Variants in NBEA observed in about 807,000 individuals in gnomAD.
The protein encoded by NBEA is neurobeachin.
Under a neutral mutation model 343.4 loss-of-function variants are expected in NBEA, and 44 were observed. That is an observed-to-expected ratio of 0.13 (90% confidence interval 0.10 to 0.16). The LOEUF is 0.16. Ranked by LOEUF, NBEA falls within the 10% of genes least tolerant of loss-of-function variation. NBEA has a pLI of 1.00. For synonymous variants in NBEA, 1,175 were observed against 1,238.7 expected (o/e 0.95, Z 1.08); for missense variants, 2,555 against 3,631.3 (o/e 0.70, Z 7.62).
rs1419985609 is a variant in NBEA, at chr13:35,671,270, GGTT to G, written c.*282_*284del. The G allele has an allele frequency of 3.7e-6, 1 of 268,544 alleles. No individual in the cohort carries two copies. The highest frequency in any genetic ancestry group is 2.2e-5 in the African/African-American group (1 of 46,310). 16.6% of individuals were successfully genotyped at this position (268,544 alleles called of 1,614,324 possible). The stretch of plus-strand genomic sequence containing the variant: ...CATATATTGTTGTTTATTGAGAAAA[GGTT>G]GTAGGATGTGTCACAAGAGACTTTT... On this transcript the variant is annotated 3_prime_UTR_variant, in exon 59 of 59. Coordinates refer to ENST00000379939, the MANE Select transcript of NBEA (RefSeq NM_001385012.1).
chr13:35,158,969 T>C (rs1394247112), intron 21 of NBEA, 47 bp from the exon 22 acceptor site: 2 of 1,438,956 alleles, frequency 1.4e-6, no homozygotes, highest in Non-Finnish European at 1.9e-6. Flanking sequence ...GTTTTTTCTT[T>C]TTGATATGTA....
At chr13:35,008,110 TAAG>T (rs1452679077) in intron 1 of NBEA, among the ~76,000 whole-genome samples, 6 of 152,320 alleles carry the variant, frequency 3.9e-5, no homozygotes, top group African/African-American at 1.4e-4. Context: ...ACAATCCAAC[TAAG>T]AATAGGGATG....
intron 1 of NBEA, among the ~76,000 whole-genome samples, chr13:34,975,204 A>G (rs2060123594): frequency 6.6e-6 from 1 of 152,202 alleles, no homozygotes; most frequent in Non-Finnish European, 1.5e-5. Context: ...ACATTATCCA[A>G]CTTCAAACTA....
intron 7 of NBEA, among the ~76,000 whole-genome samples, chr13:35,057,889 A>G (rs1011241749): frequency 2.6e-5 from 4 of 152,264 alleles, no homozygotes; most frequent in Admixed American, 6.6e-5. Context: ...TAATGACGAC[A>G]ATTTTTTTTG....
rs147340588 is a variant in NBEA at position 35,116,728 on chromosome 13, A to AT, written c.2003-680dup. ...ACAGGATTTTTATGAATCTAGCTTC[A>AT]TTTTTTAAAAGTATTCTGTATTGTA... On this transcript the variant is annotated intron_variant, in intron 13 of 58. Transcript: ENST00000379939. Among the ~76,000 whole-genome samples the AT allele has an allele frequency of 9.2e-4, 140 of 152,178 alleles. 1 individual carries two copies. The East Asian group carries it at 0.026, about 29-fold the overall frequency.
chr13:35,208,169 G>A (rs1254047838), intron 31 of NBEA, among the ~76,000 whole-genome samples: 3 of 152,108 alleles, frequency 2.0e-5, no homozygotes, highest in South Asian at 2.1e-4. Context: ...GTAGTGAGCC[G>A]AGATGGCACC....
chr13:35,186,131 C>T (rs2071687101), intron 30 of NBEA: 1 of 151,890 alleles, frequency 6.6e-6, no homozygotes, highest in African/African-American at 2.4e-5. Flanking sequence ...TAGTGAGACC[C>T]CGTCTATACA....
In NBEA at chr13:35,583,908, C is replaced by G. The variant is rs757369079; in HGVS notation, c.7046C>G (p.Ala2349Gly). 6.2e-7 allele frequency: 1 copy of G among 1,609,118 alleles called. No individual in the cohort carries two copies. The highest frequency in any genetic ancestry group is 8.5e-7 in the Non-Finnish European group (1 of 1,178,524). ...NFRDLSKPIG[A>G]LNPKRAVFYA... is the part of the protein sequence containing the mutation. ...TTTTTCTTTTAATAGCCAATTGGTG[C>G]TTTGAACCCCAAGAGAGCTGTGTTT... The change falls in exon 46 of 59, where the codon GCT becomes GGT. Residue 2349 changes from alanine (A) to glycine (G), a missense_variant. This residue lies in a region of NBEA where 156 missense variants were observed against 185.8 expected (regional missense o/e 0.84). Coordinates refer to ENST00000379939, the MANE Select transcript of NBEA (RefSeq NM_001385012.1).
At chr13:35,344,735 A>G (rs1566644378) in intron 36 of NBEA, among the ~76,000 whole-genome samples, 1 of 152,116 alleles carries the variant, frequency 6.6e-6, no homozygotes, top group Non-Finnish European at 1.5e-5. Flanking sequence ...ATAGTTCTTT[A>G]AGTATGAAAG....
intron 38 of NBEA, among the ~76,000 whole-genome samples, chr13:35,431,696 T>G (rs1317619875): frequency 1.3e-5 from 2 of 152,204 alleles, no homozygotes; most frequent in Non-Finnish European, 1.5e-5. Flanking sequence ...TTATTAATAA[T>G]GGATAAAATT....
intron 41 of NBEA, among the ~76,000 whole-genome samples, chr13:35,543,894 C>A (rs1189142131): frequency 6.6e-6 from 1 of 152,096 alleles, no homozygotes; most frequent in African/African-American, 2.4e-5. Context: ...TCCAGGTGGT[C>A]ATTTTGGAAG....
chr13:35,005,362 C>G (rs1167063387), intron 1 of NBEA, among the ~76,000 whole-genome samples: 1 of 152,066 alleles, frequency 6.6e-6, no homozygotes, highest in Non-Finnish European at 1.5e-5. Flanking sequence ...TGTGTGTGTG[C>G]AGCATCCACC....
intron 41 of NBEA, among the ~76,000 whole-genome samples, chr13:35,534,151 T>G (rs2078413163): frequency 6.6e-6 from 1 of 152,094 alleles, no homozygotes; most frequent in Admixed American, 6.5e-5. Flanking sequence ...CTTCTTTTCT[T>G]TTTCATAATA....
intron 39 of NBEA, among the ~76,000 whole-genome samples, chr13:35,440,180 C>T (rs915562495): frequency 3.9e-5 from 6 of 152,046 alleles, no homozygotes; most frequent in Admixed American, 1.3e-4. Context: ...ATGCCCAGCC[C>T]GATAACTGAT....
Position 35,196,042 on chromosome 13 carries a change from A to G in NBEA, c.5106A>G (p.Glu1702=), listed in dbSNP as rs529834614. ...ETSTGPDAMS[E]LLSTLSSEVK... is the part of the protein sequence containing the mutation. ...GTACAGGCCCTGATGCCATGAGTGAACTCTTATCCACTTTGTCATCCGAAG... is the reference window on the plus strand; with the variant it reads ...GTACAGGCCCTGATGCCATGAGTGAGCTCTTATCCACTTTGTCATCCGAAG... Residue 1702 remains glutamate (E), a synonymous_variant, in exon 31 of 59, where the codon GAA becomes GAG. Coordinates refer to ENST00000379939, the MANE Select transcript of NBEA (RefSeq NM_001385012.1). 6.2e-7 allele frequency: 1 copy of G among 1,613,586 alleles called. No individual in the cohort carries two copies. Among genetic ancestry groups the G allele is most frequent in the Admixed American group, 1.7e-5 (1 of 59,988 alleles).
chr13:35,608,475 C>G (rs907519831), intron 48 of NBEA, among the ~76,000 whole-genome samples: 2 of 152,158 alleles, frequency 1.3e-5, no homozygotes, highest in Non-Finnish European at 2.9e-5. Context: ...GATACCAGCG[C>G]TACAAATGGA....
intron 34 of NBEA, among the ~76,000 whole-genome samples, chr13:35,288,936 C>T (rs978416563): frequency 1.3e-5 from 2 of 151,902 alleles, no homozygotes; most frequent in African/African-American, 4.8e-5. Context: ...CCAATTGTCT[C>T]GTAAATGAGC....
intron 1 of NBEA, among the ~76,000 whole-genome samples, chr13:35,037,337 A>G (rs2062481422): frequency 6.6e-6 from 1 of 152,100 alleles, no homozygotes; most frequent in Non-Finnish European, 1.5e-5. Flanking sequence ...TCCTCAACAC[A>G]GCTATTTTGA....
chr13:35,476,823 G>A, intron 41 of NBEA: 1 of 1,013,946 alleles, frequency 9.9e-7, no homozygotes, highest in African/African-American at 1.7e-5. Flanking sequence ...ATGGATATAG[G>A]CACACAAACT....
Sources: allele counts gnomAD v4.1 joint callset (sites outside exome capture counted in the v4.1 genomes callset), GRCh38; gene constraint gnomAD v4.1.1; regional missense constraint gnomAD v4.1.1; transcripts MANE v1.5; gene names NCBI Gene and HGNC (gene_info 2026-07-23, HGNC 2026-07-21).